Variants in FAM83E observed in about 807,000 individuals in gnomAD.
FAM83E encodes scaffolding CK1 anchoring protein E, also known as protein FAM83E.
Under a neutral mutation model 34.3 loss-of-function variants are expected in FAM83E, and 29 were observed. The ratio of observed to expected loss-of-function variants is 0.85; its 90% CI spans 0.63 to 1.15. The LOEUF is 1.15. Ranked by LOEUF, FAM83E falls within the 50% of genes most tolerant of loss-of-function variation. The pLI is 0.00. For missense variants in FAM83E, 697 were observed against 685.0 expected (o/e 1.02, Z -0.20); for synonymous variants, 312 against 311.6 (o/e 1.00, Z -0.01).
Position 48,613,259 on chromosome 19 carries a change from C to T in FAM83E, c.114G>A (p.Leu38=). Residue 38 remains leucine (L), a synonymous_variant, in exon 3 of 7, where the codon CTG becomes CTA. Transcript: ENST00000263266. ...SEGQRLALEA[L]LSKGAEAFQT... ...GGAACGCCTCCGCGCCCTTGCTCAA[C>T]AGAGCCTCCAGTGCCAGCCGCTGGC... 1.9e-6 allele frequency: 3 copies of T among 1,609,888 alleles called. No homozygotes were observed. Among genetic ancestry groups the T allele is most frequent in the Non-Finnish European group, 2.5e-6 (3 of 1,179,814 alleles).
rs1172432977 is a variant in FAM83E at position 48,614,223 on chromosome 19, G to A, written c.-851C>T. On this transcript the variant is annotated 5_prime_UTR_variant, in exon 3 of 7. Transcript: ENST00000263266. ...CAGCTGCTGCAGTGGAGGGTGAAAT[G>A]CGCTACAGGGGTCTCCATTACTATG... is the stretch of plus-strand genomic sequence containing the variant. 1.0e-6 allele frequency: 1 copy of A among 985,548 alleles called. No individual in the cohort carries two copies. The highest frequency in any genetic ancestry group is 1.1e-4 in the East Asian group (1 of 8,800). 61.1% of individuals were successfully genotyped at this position (985,548 alleles called of 1,614,324 possible). A position where few individuals can be genotyped will look rare whatever the true frequency, so the allele number is the denominator to read the frequency against.
Position 48,614,642 on chromosome 19 carries a change from A to C in FAM83E, c.-1255-15T>G. 1.0e-6 allele frequency: 1 copy of C among 984,316 alleles called. No homozygotes were observed. The highest frequency in any genetic ancestry group is 1.2e-6 in the Non-Finnish European group (1 of 829,360). The allele number at this position is 984,316 out of a possible 1,614,324, so 61.0% of individuals were successfully genotyped here. ...ACAGCAGGGAGCTGCAAAGAGAAGA[A>C]AGGAGTCAAGGCAGGCCAGCCTCCC... is the stretch of plus-strand genomic sequence containing the variant. On this transcript the variant is annotated splice_polypyrimidine_tract_variant and intron_variant, in intron 2 of 6. Coordinates refer to ENST00000263266, the MANE Select transcript of FAM83E (RefSeq NM_017708.4).
chr19:48,610,838 C>T lies in FAM83E; in HGVS notation c.475G>A (p.Val159Met), dbSNP rs774422280. ...GGGTCAGTGAAGACGTCCATGACCACGGCCACCAGCTGGGCATGGGGAGAG... is the reference window on the plus strand; with the variant it reads ...GGGTCAGTGAAGACGTCCATGACCATGGCCACCAGCTGGGCATGGGGAGAG... The part of the protein sequence containing the change: ...EIQAAHKLVA[V>M]VMDVFTDPDL... Residue 159 changes from valine to methionine, a missense_variant, in exon 4 of 7, where the codon GTG becomes ATG. Physicochemically the swap from Val to Met is conservative, Grantham distance 21. Transcript: ENST00000263266. The T allele has an allele frequency of 2.6e-5, 41 of 1,593,394 alleles. No individual in the cohort carries two copies. In the Middle Eastern group the frequency reaches 4.9e-4, roughly 19 times the overall value.
In FAM83E at chr19:48,609,857, G is replaced by T. The variant is rs922159806; in HGVS notation, c.758+19C>A. ...GGGTATAGGACGCCGGGAGGTGGGG[G>T]GCGGGGCGGGGGCTACACCTGTAGG... On this transcript the variant is annotated intron_variant, in intron 5 of 6. Transcript: ENST00000263266. 3 of 1,606,404 alleles carry T rather than the reference G, an allele frequency of 1.9e-6. No individual in the cohort carries two copies. The highest frequency in any genetic ancestry group is 2.6e-6 in the Non-Finnish European group (3 of 1,175,188).
intron 6 of FAM83E, among the ~76,000 whole-genome samples, 167 bp from the exon 7 acceptor site, chr19:48,601,536 G>A (rs1973815680): frequency 6.6e-6 from 1 of 151,272 alleles, no homozygotes; most frequent in Non-Finnish European, 1.5e-5. Flanking sequence ...AGGCCGAGGT[G>A]GGTGGATCAC....
At chr19:48,610,610 A>G in intron 4 of FAM83E, 70 bp downstream of exon 4, 1 of 1,480,990 alleles carries the variant, frequency 6.8e-7, no homozygotes, top group Non-Finnish European at 9.0e-7. Context: ...AGCTCCATGG[A>G]AGGGTCTGCC....
intron 6 of FAM83E, among the ~76,000 whole-genome samples, chr19:48,602,166 T>A (rs28728136): frequency 0.11 from 6,952 of 65,082 alleles, 783 homozygotes; most frequent in African/African-American, 0.33. Context: ...AAAAAAAAAA[T>A]GGGTGGAGGA....
intron 5 of FAM83E, among the ~76,000 whole-genome samples, chr19:48,605,505 G>T (rs1225722986): frequency 6.6e-6 from 1 of 152,072 alleles, no homozygotes; most frequent in East Asian, 1.9e-4. Context: ...AGCCTGGGAA[G>T]TTGAGGCTGC....
At chr19:48,606,855 G>A (rs985484747) in intron 5 of FAM83E, 3 of 1,244,978 alleles carry the variant, frequency 2.4e-6, no homozygotes, top group Non-Finnish European at 3.3e-6. Flanking sequence ...GACCCTGGGA[G>A]GCCAGGACCA....
At chr19:48,607,986 C>T (rs942578092) in intron 5 of FAM83E, among the ~76,000 whole-genome samples, 3 of 152,232 alleles carry the variant, frequency 2.0e-5, no homozygotes, top group Non-Finnish European at 4.4e-5. Context: ...TCCAATCATT[C>T]TCAAAGTGTG....
At position 48,613,257 on chromosome 19, in the gene FAM83E, A is replaced by G. The variant is rs748459828; in HGVS notation, c.116T>C (p.Leu39Ser). 3 of 1,610,038 alleles carry G rather than the reference A, an allele frequency of 1.9e-6. No homozygotes were observed. The highest frequency in any genetic ancestry group is 2.5e-6 in the Non-Finnish European group (3 of 1,179,846). Residue 39 changes from leucine (L) to serine (S), a missense_variant, in exon 3 of 7, where the codon TTG becomes TCG. Leu to Ser is a moderately radical substitution (Grantham distance 145). Transcript: ENST00000263266. ...EGQRLALEALLSKGAEAFQTC... is the reference protein window; with the variant it reads ...EGQRLALEALSSKGAEAFQTC... ...CTGGAACGCCTCCGCGCCCTTGCTCAACAGAGCCTCCAGTGCCAGCCGCTG... is the reference window on the plus strand; with the variant it reads ...CTGGAACGCCTCCGCGCCCTTGCTCGACAGAGCCTCCAGTGCCAGCCGCTG...
At chr19:48,609,143 G>A (rs1175793687) in intron 5 of FAM83E, among the ~76,000 whole-genome samples, 1 of 152,020 alleles carries the variant, frequency 6.6e-6, no homozygotes, top group Non-Finnish European at 1.5e-5. Context: ...ACACAACGAG[G>A]AACTGAGAGA....
chr19:48,607,213 T>A (rs1361472287), intron 5 of FAM83E: 1 of 1,613,196 alleles, frequency 6.2e-7, no homozygotes, highest in Admixed American at 1.7e-5. Flanking sequence ...ACCCGTCAGC[T>A]ACAGGGGCGT....
Position 48,601,111 on chromosome 19 carries a change from A to G in FAM83E, c.1435T>C (p.Ter479ArgextTer86). The change falls in exon 7 of 7, where the codon TGA (stop) becomes CGA (arginine). Residue 479 changes from the stop codon to arginine (R), a stop_lost. Transcript: ENST00000263266. ...APRAGLGGQP[*>R] is the part of the protein sequence containing the mutation. ...GCAGATTTGGCTTGGGCTCCTGTTC[A>G]GGGTTGCCCCCCAAGTCCTGCCCGG... The G allele has an allele frequency of 6.2e-7, 1 of 1,609,698 alleles. No individual in the cohort carries two copies. Among genetic ancestry groups the G allele is most frequent in the East Asian group, 2.2e-5 (1 of 44,832 alleles).
At chr19:48,607,333 C>CTT in intron 5 of FAM83E, 1 of 1,592,652 alleles carries the variant, frequency 6.3e-7, no homozygotes, top group Non-Finnish European at 8.6e-7. Context: ...GGGTATGCTG[C>CTT]TTCCTCCACG....
At position 48,614,110 on chromosome 19, in the gene FAM83E, C is replaced by T. The variant is rs1974100448; in HGVS notation, c.-738G>A. ...GATGCCTCTCCACTGGGCCTGCTCG[C>T]TCAGCCTTAAAGGCCGAAGGCTTGG... On this transcript the variant is annotated 5_prime_UTR_variant, in exon 3 of 7. Coordinates refer to ENST00000263266, the MANE Select transcript of FAM83E (RefSeq NM_017708.4). The T allele has an allele frequency of 1.0e-6, 1 of 985,648 alleles. No individual in the cohort carries two copies. The highest frequency in any genetic ancestry group is 1.7e-5 in the African/African-American group (1 of 57,260). 61.1% of individuals were successfully genotyped at this position (985,648 alleles called of 1,614,324 possible).
At chr19:48,612,205 G>A (rs947670665) in intron 3 of FAM83E, among the ~76,000 whole-genome samples, 3 of 152,122 alleles carry the variant, frequency 2.0e-5, no homozygotes, top group Non-Finnish European at 4.4e-5. Context: ...CGGACGCTAA[G>A]GCTGTGAAGT....
intron 3 of FAM83E, among the ~76,000 whole-genome samples, chr19:48,611,229 C>T (rs1301137999): frequency 2.0e-5 from 3 of 150,524 alleles, no homozygotes; most frequent in East Asian, 1.9e-4. Flanking sequence ...AGCTCAGGGG[C>T]GCAATCTCAG....
chr19:48,603,801 G>A lies in FAM83E; in HGVS notation c.869C>T (p.Pro290Leu), dbSNP rs775093735. 22 of 1,600,158 alleles carry A rather than the reference G, an allele frequency of 1.4e-5. No individual in the cohort carries two copies. Among genetic ancestry groups the A allele is most frequent in the East Asian group, 1.2e-4 (5 of 43,356 alleles). The part of the protein sequence containing the change: ...EFRTLYAASC[P>L]LPPAPPQKPS... ...TTTCTGGGGGGGCGCAGGTGGGAGC[G>A]GGCAGGAGGCCGCGTACAGCGTCCG... Residue 290 changes from proline (P) to leucine (L), a missense_variant, in exon 6 of 7, where the codon CCG becomes CTG. Pro to Leu is a moderately conservative substitution (Grantham distance 98, BLOSUM62 -3). Coordinates refer to ENST00000263266, the MANE Select transcript of FAM83E (RefSeq NM_017708.4).
Sources: allele counts gnomAD v4.1 joint callset (sites outside exome capture counted in the v4.1 genomes callset), GRCh38; gene constraint gnomAD v4.1.1; transcripts MANE v1.5; gene names NCBI Gene and HGNC (gene_info 2026-07-23, HGNC 2026-07-21).